Variants in MMP15 observed in about 807,000 individuals in gnomAD.
The protein encoded by MMP15 is matrix metallopeptidase 15, also known as matrix metalloproteinase-15.
In MMP15, 36 loss-of-function variants were observed where a neutral mutation model predicts 65.0. The ratio of observed to expected loss-of-function variants is 0.55; its 90% CI spans 0.42 to 0.73. The LOEUF (loss-of-function observed/expected upper bound fraction) is 0.73. Ranked by LOEUF, MMP15 falls within the 30% of genes least tolerant of loss-of-function variation. The pLI is 0.00. For synonymous variants in MMP15, 428 were observed against 410.2 expected (o/e 1.04, Z -0.52); for missense variants, 870 against 987.8 (o/e 0.88, Z 1.60).
In MMP15 at chr16:58,026,395, C is replaced by T. The variant is rs887797415; in HGVS notation, c.45C>T (p.Gly15=). The part of the protein sequence containing the change: ...PSAPGRPGWT[G]SLLGDREEAA... ...CGCCCGGACGGCCGGGCTGGACGGG[C>T]AGCCTCCTCGGCGACCGGGAGGAGG... Residue 15 remains glycine (G), a synonymous_variant, in exon 1 of 10, where the codon GGC becomes GGT. Coordinates refer to ENST00000219271, the MANE Select transcript of MMP15 (RefSeq NM_002428.4). The T allele has an allele frequency of 3.5e-6, 5 of 1,411,594 alleles. No individual in the cohort carries two copies. Among genetic ancestry groups the T allele is most frequent in the Admixed American group, 3.2e-5 (1 of 31,674 alleles). 87.4% of individuals were successfully genotyped at this position (1,411,594 alleles called of 1,614,324 possible). A position where few individuals can be genotyped will look rare whatever the true frequency, so the allele number is the denominator to read the frequency against.
At chr16:58,034,931 C>T (rs1959299277) in intron 1 of MMP15, among the ~76,000 whole-genome samples, 1 of 152,128 alleles carries the variant, frequency 6.6e-6, no homozygotes, top group Non-Finnish European at 1.5e-5. Flanking sequence ...CTGATCCTCC[C>T]CCACCCTCCC....
chr16:58,040,677 C>T lies in MMP15; in HGVS notation c.889C>T (p.Arg297Cys), dbSNP rs878976337. ...DNFKLPEDDLRGIQQLYGTPD... is the reference protein window; with the variant it reads ...DNFKLPEDDLCGIQQLYGTPD... ...CTTCAAGCTGCCCGAGGACGATCTC[C>T]GTGGCATCCAGCAGCTCTACGGTGC... Residue 297 changes from arginine (R) to cysteine (C), a missense_variant, in exon 5 of 10, where the codon CGT becomes TGT. Transcript: ENST00000219271. 14 of 1,614,068 alleles carry T rather than the reference C, an allele frequency of 8.7e-6. No homozygotes were observed. Among genetic ancestry groups the T allele is most frequent in the Non-Finnish European group, 1.0e-5 (12 of 1,180,058 alleles).
At chr16:58,042,986 T>G (rs1959484859) in intron 7 of MMP15, among the ~76,000 whole-genome samples, 1 of 152,122 alleles carries the variant, frequency 6.6e-6, no homozygotes, top group African/African-American at 2.4e-5. Flanking sequence ...GTGGGTGGCA[T>G]GTGGCGTGTA....
intron 1 of MMP15, among the ~76,000 whole-genome samples, chr16:58,036,459 G>C (rs1959332250): frequency 6.6e-6 from 1 of 152,214 alleles, no homozygotes; most frequent in African/African-American, 2.4e-5. Flanking sequence ...TGGCACAGAG[G>C]GTGTTGAGAA....
chr16:58,040,284 G>C, intron 4 of MMP15, 102 bp downstream of exon 4: 1 of 1,253,800 alleles, frequency 8.0e-7, no homozygotes, highest in Non-Finnish European at 1.1e-6. Context: ...TGGGAGGAGA[G>C]AGTTCCCCTG....
chr16:58,031,663 C>A (rs1425177082), intron 1 of MMP15, among the ~76,000 whole-genome samples: 1 of 152,046 alleles, frequency 6.6e-6, no homozygotes, highest in Non-Finnish European at 1.5e-5. Context: ...TTCCTCCTTC[C>A]TGCTTCTCCT....
chr16:58,045,537 C>T lies in MMP15; in HGVS notation c.*91C>T, dbSNP rs1213504453. 2.8e-6 allele frequency: 3 copies of T among 1,074,340 alleles called. No homozygotes were observed. The highest frequency in any genetic ancestry group is 5.2e-5 in the East Asian group (2 of 38,390). The allele number at this position is 1,074,340 out of a possible 1,614,324, so 66.6% of individuals were successfully genotyped here. ...TCCCTCCGCCCCCAGGTAGGGGCCCCTCTCAGCCCTCACACACCCTGTCTG... is the reference window on the plus strand; with the variant it reads ...TCCCTCCGCCCCCAGGTAGGGGCCCTTCTCAGCCCTCACACACCCTGTCTG... On this transcript the variant is annotated 3_prime_UTR_variant, in exon 10 of 10. Transcript: ENST00000219271.
At chr16:58,044,957 C>T in intron 9 of MMP15, 50 bp from the exon 10 acceptor site, 1 of 1,600,408 alleles carries the variant, frequency 6.2e-7, no homozygotes, top group Non-Finnish European at 8.6e-7. Flanking sequence ...ATGGTTCTCA[C>T]TGGTGGTTCG....
chr16:58,038,310 T>C lies in MMP15; in HGVS notation c.356T>C (p.Val119Ala). Residue 119 changes from valine (V) to alanine (A), a missense_variant, in exon 3 of 10, where the codon GTA becomes GCA. Physicochemically the swap from Val to Ala is moderately conservative, Grantham distance 64. Transcript: ENST00000219271. ...PRCGVPDQFG[V>A]RVKANLRRRR... ...TGTGGGGTGCCAGACCAGTTCGGGG[T>C]ACGAGTGAAAGCCAACCTGCGGCGG... is the stretch of plus-strand genomic sequence containing the variant. 1 of 1,613,948 alleles carries C rather than the reference T, an allele frequency of 6.2e-7. No individual in the cohort carries two copies. Among genetic ancestry groups the C allele is most frequent in the African/African-American group, 1.3e-5 (1 of 75,010 alleles).
At chr16:58,039,363 T>TGGAG (rs1388056725) in intron 3 of MMP15, among the ~76,000 whole-genome samples, 1 of 152,030 alleles carries the variant, frequency 6.6e-6, no homozygotes, top group Non-Finnish European at 1.5e-5. Flanking sequence ...ACCCGGGAGG[T>TGGAG]GGAGGTTGCA....
Position 58,037,477 on chromosome 16 carries a change from G to A in MMP15, c.168G>A (p.Trp56Ter). ...GAGTTGCGGCTTCTTTGCAGAACTG[G>A]CTGCGGCTTTATGGCTACCTGCCTC... Reference protein sequence around the residue: ...AEDAEVHAENWLRLYGYLPQP... With the variant: ...AEDAEVHAEN Residue 56 changes from tryptophan (W) to a stop codon, truncating the protein, a stop_gained, in exon 2 of 10, where the codon TGG becomes TGA. Coordinates refer to ENST00000219271, the MANE Select transcript of MMP15 (RefSeq NM_002428.4). LOFTEE classifies it high-confidence loss of function. 6.2e-7 allele frequency: 1 copy of A among 1,613,830 alleles called. No individual in the cohort carries two copies. Among genetic ancestry groups the A allele is most frequent in the Non-Finnish European group, 8.5e-7 (1 of 1,179,938 alleles).
At chr16:58,038,155 G>A in intron 2 of MMP15, 111 bp from the exon 3 acceptor site, 1 of 1,430,936 alleles carries the variant, frequency 7.0e-7, no homozygotes. Flanking sequence ...TCCCCACTGT[G>A]TCATAGGAGG....
In MMP15 at chr16:58,041,851, G is replaced by C; in HGVS notation, c.1145G>C (p.Gly382Ala). 1 of 1,598,820 alleles carries C rather than the reference G, an allele frequency of 6.3e-7. No homozygotes were observed. The highest frequency in any genetic ancestry group is 2.2e-5 in the East Asian group (1 of 44,784). The stretch of plus-strand genomic sequence containing the variant: ...TTTGACACAGTGGCCATGCTTCGCG[G>C]GGAGATGTTCGTGTTCAAGGTCTGG... ...GDFDTVAMLR[G>A]EMFVFKGRWF... The change falls in exon 6 of 10, where the codon GGG becomes GCG. Residue 382 changes from glycine to alanine, a missense_variant. Gly to Ala is a moderately conservative substitution (Grantham distance 60). Coordinates refer to ENST00000219271, the MANE Select transcript of MMP15 (RefSeq NM_002428.4).
At chr16:58,042,468 G>A (rs369523986) in intron 7 of MMP15, 99 bp downstream of exon 7, 4 of 1,486,196 alleles carry the variant, frequency 2.7e-6, no homozygotes, top group Non-Finnish European at 3.7e-6. Context: ...TGCATTGCAT[G>A]TCTGGTCCTG....
rs1318237603 is a variant in MMP15 at position 58,040,710 on chromosome 16, G to C, written c.910+12G>C. The C allele has an allele frequency of 1.4e-5, 22 of 1,613,796 alleles. No homozygotes were observed. The highest frequency in any genetic ancestry group is 1.6e-5 in the Non-Finnish European group (19 of 1,180,060). On this transcript the variant is annotated intron_variant, in intron 5 of 9. Coordinates refer to ENST00000219271, the MANE Select transcript of MMP15 (RefSeq NM_002428.4). ...CCAGCAGCTCTACGGTGCGTGGGCT[G>C]TGACCAGCGGGCTCTGCATGCCGCT...
rs1227077973 is a variant in MMP15 at position 58,046,286 on chromosome 16, CAG to C, written c.*841_*842del. The C allele has an allele frequency of 3.3e-5, 5 of 153,000 alleles. No homozygotes were observed. The highest frequency in any genetic ancestry group is 6.5e-5 in the Admixed American group (1 of 15,284). The allele number at this position is 153,000 out of a possible 1,614,324, so 9.5% of individuals were successfully genotyped here. A position where few individuals can be genotyped will look rare whatever the true frequency, so the allele number is the denominator to read the frequency against. ...CCTCTCCGACTCACACCACTAGCCT[CAG>C]GGGTCTGAGCTCCAGCTCCTTTGGG... On this transcript the variant is annotated 3_prime_UTR_variant, in exon 10 of 10. Coordinates refer to ENST00000219271, the MANE Select transcript of MMP15 (RefSeq NM_002428.4).
intron 3 of MMP15, 136 bp downstream of exon 3, chr16:58,038,530 G>A (rs997570091): frequency 3.6e-5 from 41 of 1,132,866 alleles, no homozygotes; most frequent in East Asian, 1.8e-4. Context: ...AGCCACACAC[G>A]CCAGGCAGTC....
At chr16:58,041,432 C>A (rs534362726) in intron 5 of MMP15, among the ~76,000 whole-genome samples, 185 bp from the exon 6 acceptor site, 20 of 152,002 alleles carry the variant, frequency 1.3e-4, no homozygotes, top group Non-Finnish European at 2.4e-4. Flanking sequence ...GTGGGGAGAT[C>A]GAGGAGGGGC....
chr16:58,044,927 T>C, intron 9 of MMP15, 80 bp from the exon 10 acceptor site: 1 of 1,501,368 alleles, frequency 6.7e-7, no homozygotes. Flanking sequence ...TTTGAAGCCC[T>C]CAGCATGTCC....
Sources: gnomAD v4.1 joint callset for allele counts (sites outside exome capture counted in the v4.1 genomes callset) on GRCh38, gnomAD v4.1.1 for gene constraint, MANE v1.5 for transcripts, NCBI Gene and HGNC (gene_info 2026-07-23, HGNC 2026-07-21) for gene names.